SFRP1: variants seen among roughly 807,000 people sequenced by gnomAD.
SFRP1 encodes secreted frizzled-related protein 1.
In SFRP1, 9 loss-of-function variants were observed where a neutral mutation model predicts 25.9. The ratio of observed to expected loss-of-function variants is 0.35; its 90% CI spans 0.21 to 0.61. SFRP1 has a LOEUF of 0.61. Among genes scored for constraint, SFRP1 ranks in the 20% least tolerant of loss-of-function variants. The pLI is 0.78. For missense variants in SFRP1, 346 were observed against 418.2 expected (o/e 0.83, Z 1.51); for synonymous variants, 178 against 174.0 (o/e 1.02, Z -0.18).
intron 2 of SFRP1, among the ~76,000 whole-genome samples, chr8:41,300,007 T>C (rs943209610): frequency 7.2e-5 from 11 of 152,202 alleles, no homozygotes; most frequent in African/African-American, 2.7e-4. Context: ...CTAGCAGCCA[T>C]CTTGCTTCAT....
intron 2 of SFRP1, among the ~76,000 whole-genome samples, chr8:41,277,778 T>C (rs974894521): frequency 6.6e-6 from 1 of 152,148 alleles, no homozygotes; most frequent in African/African-American, 2.4e-5. Flanking sequence ...ATTAAAAAAA[T>C]GTTCTTTAGT....
At chr8:41,290,168 A>C (rs1440664327) in intron 2 of SFRP1, among the ~76,000 whole-genome samples, 1 of 152,252 alleles carries the variant, frequency 6.6e-6, no homozygotes, top group African/African-American at 2.4e-5. Flanking sequence ...TGTGCACAGC[A>C]GGTGGTCCCT....
At chr8:41,286,759 T>C (rs1228704844) in intron 2 of SFRP1, among the ~76,000 whole-genome samples, 1 of 152,142 alleles carries the variant, frequency 6.6e-6, no homozygotes, top group Non-Finnish European at 1.5e-5. Context: ...AAGGGTAGGA[T>C]TCATACGCTG....
At chr8:41,296,792 A>G (rs564800862) in intron 2 of SFRP1, among the ~76,000 whole-genome samples, 27 of 152,264 alleles carry the variant, frequency 1.8e-4, no homozygotes, top group South Asian at 1.0e-3. Context: ...CGCGTTAGGT[A>G]GAGTGTTTCT....
rs927284124 is a variant in SFRP1 at position 41,277,124 on chromosome 8, G to A, written c.623-11635C>T. The A allele has an allele frequency of 9.2e-6, 4 of 434,458 alleles. No individual in the cohort carries two copies. In the Admixed American group the frequency reaches 9.6e-5, roughly 10 times the overall value. The allele number at this position is 434,458 out of a possible 1,614,324, so 26.9% of individuals were successfully genotyped here. On this transcript the variant is annotated intron_variant, in intron 2 of 2. Transcript: ENST00000220772. ...TTTCATCTGGGAAGCCACGCATCTT[G>A]GGGAGCAAGGGCTTGGGCCTCAGAG...
At chr8:41,276,553 A>G (rs1464675700) in intron 2 of SFRP1, among the ~76,000 whole-genome samples, 3 of 152,146 alleles carry the variant, frequency 2.0e-5, no homozygotes, top group Non-Finnish European at 1.5e-5. Flanking sequence ...TGTCACAATA[A>G]CTCAGCGTCT....
chr8:41,275,655 G>A lies in SFRP1; in HGVS notation c.623-10166C>T, dbSNP rs367679656. Among the ~76,000 whole-genome samples, 28 of 151,418 alleles carry A rather than the reference G, an allele frequency of 1.8e-4. 1 individual carries two copies. The highest frequency in any genetic ancestry group is 5.1e-4 in the African/African-American group (21 of 41,224). ...GTAGCTGGGACTACAGGCACACACC[G>A]CCACGCCCGGCTAATTTTTTGTATT... On this transcript the variant is annotated intron_variant, in intron 2 of 2. Transcript: ENST00000220772.
At chr8:41,306,871 G>C in intron 1 of SFRP1, 1 of 1,596,090 alleles carries the variant, frequency 6.3e-7, no homozygotes, top group Non-Finnish European at 8.5e-7. Flanking sequence ...AGCCTTTTGG[G>C]GGCTGGGGTG....
chr8:41,303,105 G>A (rs1803948584), intron 2 of SFRP1, among the ~76,000 whole-genome samples: 3 of 146,320 alleles, frequency 2.1e-5, no homozygotes, highest in African/African-American at 7.6e-5. Flanking sequence ...GGCCCAACCA[G>A]ACACAGTAGC....
intron 2 of SFRP1, among the ~76,000 whole-genome samples, chr8:41,291,204 G>A (rs542949747): frequency 4.6e-5 from 7 of 151,840 alleles, no homozygotes; most frequent in South Asian, 4.2e-4. Context: ...CACCACGCCC[G>A]GCCTTTTTTG....
At chr8:41,270,526 C>A (rs1221141924) in intron 2 of SFRP1, among the ~76,000 whole-genome samples, 2 of 152,122 alleles carry the variant, frequency 1.3e-5, no homozygotes, top group African/African-American at 4.8e-5. Context: ...CACAAATGCT[C>A]CTGATTGGGG....
intron 2 of SFRP1, among the ~76,000 whole-genome samples, chr8:41,277,924 T>C (rs1468881594): frequency 1.3e-5 from 2 of 152,330 alleles, no homozygotes; most frequent in East Asian, 3.9e-4. Flanking sequence ...AATGTGCATT[T>C]CTAACAAGTC....
intron 1 of SFRP1, among the ~76,000 whole-genome samples, chr8:41,308,020 T>C (rs1261038817): frequency 6.6e-6 from 1 of 152,180 alleles, no homozygotes; most frequent in Non-Finnish European, 1.5e-5. Flanking sequence ...GTCCCCACGG[T>C]TCCTAAACTT....
intron 2 of SFRP1, chr8:41,275,087 C>A: frequency 2.7e-6 from 1 of 368,002 alleles, no homozygotes; most frequent in South Asian, 1.9e-5. Context: ...ATAACAAAAT[C>A]AATTGGGTTA....
chr8:41,279,895 G>A (rs543547450), intron 2 of SFRP1, among the ~76,000 whole-genome samples: 1 of 152,280 alleles, frequency 6.6e-6, no homozygotes, highest in Non-Finnish European at 1.5e-5. Flanking sequence ...CACAGTTCAA[G>A]GTTCTTGCTT....
intron 2 of SFRP1, among the ~76,000 whole-genome samples, chr8:41,287,925 T>C (rs1340907702): frequency 6.6e-6 from 1 of 151,960 alleles, no homozygotes; most frequent in Non-Finnish European, 1.5e-5. Context: ...CGCCACAGGG[T>C]GAATGACAAG....
chr8:41,296,590 C>A (rs1478316359), intron 2 of SFRP1, among the ~76,000 whole-genome samples: 3 of 151,668 alleles, frequency 2.0e-5, no homozygotes, highest in African/African-American at 7.3e-5. Flanking sequence ...AGCTCATTCG[C>A]ATTATAATGC....
chr8:41,305,274 C>T (rs1803978501), intron 1 of SFRP1, among the ~76,000 whole-genome samples: 1 of 152,238 alleles, frequency 6.6e-6, no homozygotes, highest in African/African-American at 2.4e-5. Context: ...AAGGGCACAT[C>T]TCTGCCCGCT....
intron 2 of SFRP1, among the ~76,000 whole-genome samples, chr8:41,288,969 G>T (rs990909649): frequency 2.0e-5 from 3 of 152,310 alleles, no homozygotes; most frequent in African/African-American, 4.8e-5. Context: ...CCCAGCCCTG[G>T]TCAGAGACCA....
Sources: gnomAD v4.1 joint callset for allele counts (sites outside exome capture counted in the v4.1 genomes callset) on GRCh38, gnomAD v4.1.1 for gene constraint, MANE v1.5 for transcripts, NCBI Gene and HGNC (gene_info 2026-07-23, HGNC 2026-07-21) for gene names.